ERCC3: variants seen among roughly 807,000 people sequenced by gnomAD.
ERCC3 encodes general transcription and DNA repair factor IIH helicase/translocase subunit XPB.
In ERCC3, 66 loss-of-function variants were observed where a neutral mutation model predicts 94.2. The ratio of observed to expected loss-of-function variants is 0.70; its 90% CI spans 0.57 to 0.86. The LOEUF is 0.86. ERCC3 is among the 40% of genes least tolerant of loss of function. The pLI is 0.00. For synonymous variants in ERCC3, 349 were observed against 369.1 expected, an observed-to-expected ratio of 0.95 and a Z score of 0.63; for missense variants, 829 against 987.1, an observed-to-expected ratio of 0.84 and a Z score of 2.15.
chr2:127,275,325 T>G (rs1350281640), intron 10 of ERCC3, among the ~76,000 whole-genome samples: 1 of 152,046 alleles, frequency 6.6e-6, no homozygotes, highest in African/African-American at 2.4e-5. Context: ...CCACTGCGCC[T>G]GGCCCGCAGG....
At chr2:127,288,361 G>C (rs893863825) in intron 7 of ERCC3, among the ~76,000 whole-genome samples, 1 of 152,054 alleles carries the variant, frequency 6.6e-6, no homozygotes, top group Non-Finnish European at 1.5e-5. Flanking sequence ...ATTTTTCTTC[G>C]CTGACTCTAG....
In ERCC3 at chr2:127,257,490, A is replaced by G. The variant is rs4150524; in HGVS notation, c.*106T>C. 1.7e-3 allele frequency: 2,466 copies of G among 1,454,330 alleles called. 31 individuals are homozygous for G. The African/African-American group carries it at 0.03, about 18-fold the overall frequency. The allele number at this position is 1,454,330 out of a possible 1,614,324, so 90.1% of individuals were successfully genotyped here. The stretch of plus-strand genomic sequence containing the variant: ...CATCTTCCTCAGCACAATTTGGCCA[A>G]CGCTGGAGGGAAGGTCAAAGAGGTG... On this transcript the variant is annotated 3_prime_UTR_variant, in exon 15 of 15. Transcript: ENST00000285398. This position sits in a 1 kb window ranked among gnomAD's most constrained non-coding sequence, Gnocchi z 5.4.
Position 127,280,682 on chromosome 2 carries a change from T to C in ERCC3, c.1343-51A>G. The C allele has an allele frequency of 6.8e-7, 1 of 1,462,938 alleles. No individual in the cohort carries two copies. The highest frequency in any genetic ancestry group is 9.4e-7 in the Non-Finnish European group (1 of 1,062,338). The allele number at this position is 1,462,938 out of a possible 1,614,324, so 90.6% of individuals were successfully genotyped here. On this transcript the variant is annotated intron_variant, in intron 8 of 14. Coordinates refer to ENST00000285398, the MANE Select transcript of ERCC3 (RefSeq NM_000122.2). This position sits in a 1 kb window ranked among gnomAD's most constrained non-coding sequence, Gnocchi z 6.3. ...ACTGTCACTTTTCTTTCTTATTTTTTATTTATTTATTTTAAAATATTTTTT... is the reference window on the plus strand; with the variant it reads ...ACTGTCACTTTTCTTTCTTATTTTTCATTTATTTATTTTAAAATATTTTTT...
rs1161654359 is a variant in ERCC3 at position 127,291,215 on chromosome 2, G to A, written c.472-942C>T. 6.6e-6 allele frequency among the ~76,000 whole-genome samples: 1 copy of A among 152,222 alleles called. No individual in the cohort carries two copies. The highest frequency in any genetic ancestry group is 6.5e-5 in the Admixed American group (1 of 15,286). On this transcript the variant is annotated intron_variant, in intron 3 of 14. Coordinates refer to ENST00000285398, the MANE Select transcript of ERCC3 (RefSeq NM_000122.2). This position sits in a 1 kb window ranked among gnomAD's most constrained non-coding sequence, Gnocchi z 4.9. ...CAATTCGCAGCCAAGACCAGGCAGAGCCACAGTGTTGGTACAAGGTCCTCT... is the reference window on the plus strand; with the variant it reads ...CAATTCGCAGCCAAGACCAGGCAGAACCACAGTGTTGGTACAAGGTCCTCT...
intron 10 of ERCC3, among the ~76,000 whole-genome samples, chr2:127,276,262 G>C (rs911932225): frequency 3.9e-5 from 6 of 152,126 alleles, no homozygotes; most frequent in African/African-American, 1.4e-4. Flanking sequence ...GAAATAGCCA[G>C]GCCCTGCCCA....
intron 10 of ERCC3, among the ~76,000 whole-genome samples, chr2:127,278,474 T>G (rs1684802857): frequency 6.6e-6 from 1 of 152,224 alleles, no homozygotes; most frequent in African/African-American, 2.4e-5. Flanking sequence ...TTGTCTTCCC[T>G]TCTATAAAAT....
At chr2:127,290,621 G>A in intron 3 of ERCC3, 1 of 372,468 alleles carries the variant, frequency 2.7e-6, no homozygotes, top group South Asian at 2.4e-5. Flanking sequence ...CAGAGTATGT[G>A]CACAGTAATT....
chr2:127,259,282 A>G lies in ERCC3; in HGVS notation c.2217+14T>C, dbSNP rs777206488. ...GAGCACTGACACCTGGAACCTCCTC[A>G]CCCATTTACTCACCTGGCTGGATCT... is the stretch of plus-strand genomic sequence containing the variant. On this transcript the variant is annotated intron_variant, in intron 14 of 14. Transcript: ENST00000285398. The surrounding 1 kb of genome is among the most constrained non-coding windows in gnomAD (Gnocchi z 4.9). 1 of 1,613,834 alleles carries G rather than the reference A, an allele frequency of 6.2e-7. No individual in the cohort carries two copies. The highest frequency in any genetic ancestry group is 1.1e-5 in the South Asian group (1 of 91,072).
rs867099698 is a variant in ERCC3 at position 127,261,361 on chromosome 2, G to A, written c.1946-15C>T. 6.9e-7 allele frequency: 1 copy of A among 1,450,296 alleles called. No individual in the cohort carries two copies. Among genetic ancestry groups the A allele is most frequent in the Non-Finnish European group, 9.7e-7 (1 of 1,030,550 alleles). The allele number at this position is 1,450,296 out of a possible 1,614,324, so 89.8% of individuals were successfully genotyped here. A position where few individuals can be genotyped will look rare whatever the true frequency, so the allele number is the denominator to read the frequency against. On this transcript the variant is annotated splice_polypyrimidine_tract_variant and intron_variant, in intron 12 of 14. Coordinates refer to ENST00000285398, the MANE Select transcript of ERCC3 (RefSeq NM_000122.2). Reference sequence around the variant, plus strand: ...TGCAACCATCCCTGCAGGAAAAAATGAGAAACGGCAATAAAGAAGACAACA... The same window carrying A: ...TGCAACCATCCCTGCAGGAAAAAATAAGAAACGGCAATAAAGAAGACAACA...
Position 127,291,848 on chromosome 2 carries a change from C to A in ERCC3, c.471+762G>T, listed in dbSNP as rs1004619859. On this transcript the variant is annotated intron_variant, in intron 3 of 14. Coordinates refer to ENST00000285398, the MANE Select transcript of ERCC3 (RefSeq NM_000122.2). The surrounding 1 kb of genome is among the most constrained non-coding windows in gnomAD (Gnocchi z 4.9). Reference sequence around the variant, plus strand: ...AACATCTGAAGTTGTTTTTGACTTTCCCTCATGGAACTTGTTGACTATTGG... The same window carrying A: ...AACATCTGAAGTTGTTTTTGACTTTACCTCATGGAACTTGTTGACTATTGG... 3 of 152,510 alleles carry A rather than the reference C, an allele frequency of 2.0e-5. No homozygotes were observed. 9.4% of individuals were successfully genotyped at this position (152,510 alleles called of 1,614,324 possible). A position where few individuals can be genotyped will look rare whatever the true frequency, so the allele number is the denominator to read the frequency against.
At chr2:127,266,959 G>C (rs1298144439) in intron 12 of ERCC3, among the ~76,000 whole-genome samples, 1 of 152,078 alleles carries the variant, frequency 6.6e-6, no homozygotes, top group Non-Finnish European at 1.5e-5. Flanking sequence ...CAGGCAATCT[G>C]CCGGCCTCAG....
At chr2:127,288,943 G>A in intron 6 of ERCC3, 79 bp from the exon 7 acceptor site, 1 of 1,136,090 alleles carries the variant, frequency 8.8e-7, no homozygotes, top group Non-Finnish European at 1.3e-6. Context: ...AGGTCCAATG[G>A]TCAAAAAAGT....
chr2:127,280,429 C>A lies in ERCC3; in HGVS notation c.1527+18G>T. On this transcript the variant is annotated intron_variant, in intron 9 of 14. Coordinates refer to ENST00000285398, the MANE Select transcript of ERCC3 (RefSeq NM_000122.2). This position sits in a 1 kb window ranked among gnomAD's most constrained non-coding sequence, Gnocchi z 6.3. ...GAGGAGGCCCTTTCCCAGACGCCCC[C>A]AGCCCAGGCCCAGCTACCTCAGCAC... The A allele has an allele frequency of 1.2e-6, 2 of 1,604,828 alleles. No homozygotes were observed. Among genetic ancestry groups the A allele is most frequent in the East Asian group, 2.2e-5 (1 of 44,516 alleles).
Position 127,270,865 on chromosome 2 carries a change from A to C in ERCC3, c.1945+471T>G, listed in dbSNP as rs370674733. Among the ~76,000 whole-genome samples, 24 of 152,330 alleles carry C rather than the reference A, an allele frequency of 1.6e-4. No homozygotes were observed. The East Asian group carries it at 3.1e-3, about 20-fold the overall frequency. On this transcript the variant is annotated intron_variant, in intron 12 of 14. Transcript: ENST00000285398. Reference sequence around the variant, plus strand: ...CTGAGCTTGCCCTGCCCCTGCTGCAAGCTGCCACCAGGGCGGCACTCTGCA... The same window carrying C: ...CTGAGCTTGCCCTGCCCCTGCTGCACGCTGCCACCAGGGCGGCACTCTGCA...
rs565293703 is a variant in ERCC3, at chr2:127,259,107, G to C, written c.2217+189C>G. On this transcript the variant is annotated intron_variant, in intron 14 of 14. Coordinates refer to ENST00000285398, the MANE Select transcript of ERCC3 (RefSeq NM_000122.2). This position sits in a 1 kb window ranked among gnomAD's most constrained non-coding sequence, Gnocchi z 4.9. ...ACAGCCACTGTGAGCTCAGCTGTGT[G>C]CAACAGTACAAGGGGCACACACCAA... 1.1e-4 allele frequency among the ~76,000 whole-genome samples: 16 copies of C among 152,320 alleles called. No individual in the cohort carries two copies. The highest frequency in any genetic ancestry group is 1.8e-4 in the Non-Finnish European group (12 of 68,028).
chr2:127,266,367 G>A lies in ERCC3; in HGVS notation c.1945+4969C>T, dbSNP rs1179052517. Among the ~76,000 whole-genome samples the A allele has an allele frequency of 2.4e-3, 301 of 127,760 alleles. 1 individual carries two copies. Among genetic ancestry groups the A allele is most frequent in the Middle Eastern group, 0.019 (4 of 210 alleles). 83.8% of individuals were successfully genotyped at this position (127,760 alleles called of 152,430 possible). A position where few individuals can be genotyped will look rare whatever the true frequency, so the allele number is the denominator to read the frequency against. Reference sequence around the variant, plus strand: ...TTTTTTTTTTTTTTGAGAGAGTCTCGCTCTGTTGCCCAGGCTGGAGTGCAG... The same window carrying A: ...TTTTTTTTTTTTTTGAGAGAGTCTCACTCTGTTGCCCAGGCTGGAGTGCAG... On this transcript the variant is annotated intron_variant, in intron 12 of 14. Transcript: ENST00000285398.
intron 4 of ERCC3, 42 bp from the exon 5 acceptor site, chr2:127,289,866 T>TACCTC: frequency 1.2e-6 from 2 of 1,611,444 alleles, no homozygotes; most frequent in Non-Finnish European, 1.7e-6. Context: ...GACCAGCAGG[T>TACCTC]ACCTCCTGGA....
At chr2:127,283,339 T>C (rs4150441) in intron 8 of ERCC3, among the ~76,000 whole-genome samples, 57,452 of 151,946 alleles carry the variant, frequency 0.38, 11,588 homozygotes, top group East Asian at 0.62. Context: ...TGAAATCACA[T>C]ACTATGGAAG....
chr2:127,272,007 CTTTTTTTTTTTTTTTTTTTT>C (rs59921131), intron 11 of ERCC3, among the ~76,000 whole-genome samples: 1 of 63,032 alleles, frequency 1.6e-5, no homozygotes, highest in Non-Finnish European at 2.8e-5. Context: ...AATCTCATTT[CTTTTTTTTTTTTTTTTTTTT>C]TTTTTTTTGA....
Sources: allele counts gnomAD v4.1 joint callset (sites outside exome capture counted in the v4.1 genomes callset), GRCh38; gene constraint gnomAD v4.1.1; non-coding constraint Gnocchi (gnomAD v3.1); transcripts MANE v1.5; gene names NCBI Gene and HGNC (gene_info 2026-07-23, HGNC 2026-07-21).